FGF13: variants seen among roughly 807,000 people sequenced by gnomAD.
The protein encoded by FGF13 is fibroblast growth factor homologous factor 2.
Under a neutral mutation model 19.5 loss-of-function variants are expected in FGF13, and 2 were observed. That is an observed-to-expected ratio of 0.10 (90% confidence interval 0.04 to 0.32). The LOEUF is 0.32. FGF13 is among the 10% of genes least tolerant of loss of function. The pLI, the probability that FGF13 is intolerant of heterozygous loss-of-function variation, is 1.00. For synonymous variants in FGF13, 72 were observed against 76.9 expected, an observed-to-expected ratio of 0.94 and a Z score of 0.33; for missense variants, 113 against 192.7, an observed-to-expected ratio of 0.59 and a Z score of 2.45.
chrX:138,869,688 G>A (rs1041080494), intron 1 of FGF13, among the ~76,000 whole-genome samples: 3 of 112,403 alleles, frequency 2.7e-5, no homozygotes, highest in Non-Finnish European at 3.8e-5. Flanking sequence ...CTTAAAAGAA[G>A]CACATTTTTA....
chrX:138,802,602 T>C (rs1284455864), intron 3 of FGF13, among the ~76,000 whole-genome samples: 1 of 111,770 alleles, frequency 8.9e-6, no homozygotes, highest in African/African-American at 3.3e-5. Context: ...CTGATATTAT[T>C]GGCCAACTCC....
Position 139,001,591 on chromosome X carries a change from T to G in FGF13, c.-112-136941A>C, listed in dbSNP as rs776564832. Among the ~76,000 whole-genome samples, 3 of 111,575 alleles carry G rather than the reference T, an allele frequency of 2.7e-5. No homozygotes were observed. In the South Asian group the frequency reaches 1.1e-3, roughly 43 times the overall value. ...GTAGCCAACAAAGTTAGGAAAAAAT[T>G]CTCATCATCACTGGTCATTGGAAAA... On this transcript the variant is annotated intron_variant, in intron 1 of 2. Coordinates refer to the FGF13 transcript ENST00000421460.
chrX:138,636,569 C>T (rs2089187436), intron 3 of FGF13, among the ~76,000 whole-genome samples: 1 of 112,058 alleles, frequency 8.9e-6, no homozygotes, highest in African/African-American at 3.2e-5. Flanking sequence ...AATTTCTAAG[C>T]TAAATGAAAT....
At chrX:138,765,192 A>G (rs1846991351) in intron 3 of FGF13, among the ~76,000 whole-genome samples, 2 of 112,226 alleles carry the variant, frequency 1.8e-5, no homozygotes, top group South Asian at 7.4e-4. Flanking sequence ...GTCCAGTGAG[A>G]GAAGTAATTA....
intron 1 of FGF13, among the ~76,000 whole-genome samples, chrX:138,968,203 CATTTA>C (rs770614874): frequency 8.0e-5 from 9 of 112,175 alleles, no homozygotes; most frequent in Non-Finnish European, 1.3e-4. Flanking sequence ...ATGGAGATTT[CATTTA>C]ATTTGTTAGT....
At chrX:138,970,936 T>C (rs180844896) in intron 1 of FGF13, among the ~76,000 whole-genome samples, 52 of 112,269 alleles carry the variant, frequency 4.6e-4, no homozygotes, top group African/African-American at 1.7e-3. Context: ...AGCAAACTCA[T>C]TGGCAACTTG....
chrX:139,013,485 A>ATATATATATATT (rs2092139062), intron 1 of FGF13, among the ~76,000 whole-genome samples: 1 of 1,338 alleles, frequency 7.5e-4, no homozygotes, highest in African/African-American at 1.2e-3. Flanking sequence ...AATTTTATAT[A>ATATATATATATT]TATATATATA....
At chrX:139,203,929 G>T, upstream of FGF13, 1 of 634,229 alleles carries the variant, frequency 1.6e-6, no homozygotes, top group Non-Finnish European at 2.5e-6. Context: ...CTTTTCTCCC[G>T]GGGTCGCAGA....
chrX:139,047,225 C>A (rs773360418), intron 1 of FGF13, among the ~76,000 whole-genome samples: 1 of 111,822 alleles, frequency 8.9e-6, no homozygotes, highest in Non-Finnish European at 1.9e-5. Context: ...CCTAAAAATT[C>A]ATCTAACTAT....
chrX:138,730,027 A>C (rs772864570), intron 1 of FGF13, among the ~76,000 whole-genome samples: 1 of 112,369 alleles, frequency 8.9e-6, no homozygotes, highest in Non-Finnish European at 1.9e-5. Flanking sequence ...ATAAACACTA[A>C]AAGAAATGAA....
chrX:138,718,959 G>A (rs936267153), intron 1 of FGF13, among the ~76,000 whole-genome samples: 1 of 112,033 alleles, frequency 8.9e-6, no homozygotes, highest in African/African-American at 3.3e-5. Flanking sequence ...TGTAAGGTAG[G>A]TATTATCATT....
At position 138,620,687 on chromosome X, in the gene FGF13, G is replaced by T. The variant is rs2089007772; in HGVS notation, c.*12163C>A. The T allele has an allele frequency of 1.8e-5, 2 of 111,469 alleles. No individual in the cohort carries two copies. Among genetic ancestry groups the T allele is most frequent in the Non-Finnish European group, 3.8e-5 (2 of 53,106 alleles). 9.2% of individuals were successfully genotyped at this position (111,469 alleles called of 1,213,427 possible). ...TTAAATTCTCTAATCAAAAGACAGT[G>T]AGTGGCTGAATGGATGAAAAAGGAA... On this transcript the variant is annotated 3_prime_UTR_variant, in exon 5 of 5. Transcript: ENST00000315930.
chrX:138,911,512 T>C (rs979317182), intron 1 of FGF13, among the ~76,000 whole-genome samples: 9 of 110,698 alleles, frequency 8.1e-5, no homozygotes, highest in African/African-American at 3.0e-4. Flanking sequence ...AATTAATGGA[T>C]ACTAGGCTTA....
chrX:139,065,938 G>A (rs1423050909), intron 1 of FGF13, among the ~76,000 whole-genome samples: 1 of 111,253 alleles, frequency 9.0e-6, no homozygotes, highest in Non-Finnish European at 1.9e-5. Context: ...CACTCCTCAG[G>A]AAGTGCAAAA....
intron 1 of FGF13, among the ~76,000 whole-genome samples, chrX:139,151,356 G>T (rs1207246196): frequency 9.0e-6 from 1 of 111,660 alleles, no homozygotes; most frequent in African/African-American, 3.3e-5. Flanking sequence ...AAATGGCAGA[G>T]GTGGCTGCCA....
chrX:139,088,732 A>G (rs772776252), intron 1 of FGF13, among the ~76,000 whole-genome samples: 1 of 111,537 alleles, frequency 9.0e-6, no homozygotes, highest in African/African-American at 3.3e-5. Context: ...GTGACACACA[A>G]GCAAGGAACA....
intron 3 of FGF13, among the ~76,000 whole-genome samples, chrX:138,784,330 TAA>T (rs772828534): frequency 1.3e-4 from 12 of 91,963 alleles, no homozygotes; most frequent in Admixed American, 7.1e-4. Context: ...AAAAAAAAAT[TAA>T]AAAAAAAAAA....
At chrX:138,783,549 A>C (rs1228946368) in intron 3 of FGF13, among the ~76,000 whole-genome samples, 25 of 97,687 alleles carry the variant, frequency 2.6e-4, no homozygotes, top group Admixed American at 1.2e-3. Flanking sequence ...ATGCAGCCAA[A>C]AGACACATGA....
intron 3 of FGF13, among the ~76,000 whole-genome samples, chrX:138,676,492 T>A (rs1170297811): frequency 8.9e-6 from 1 of 111,933 alleles, no homozygotes; most frequent in East Asian, 2.8e-4. Context: ...ATTGACTTCA[T>A]AATGCCTTAA....
Sources: gnomAD v4.1 joint callset for allele counts (sites outside exome capture counted in the v4.1 genomes callset) on GRCh38, gnomAD v4.1.1 for gene constraint, MANE v1.5 for transcripts, NCBI Gene and HGNC (gene_info 2026-07-23, HGNC 2026-07-21) for gene names.